Variants in PARP9 observed in about 807,000 individuals in gnomAD.
PARP9 encodes the protein protein mono-ADP-ribosyltransferase PARP9.
PARP9 carries 48 observed loss-of-function variants against 68.8 expected under a neutral mutation model. The observed-to-expected ratio is 0.70, with a 90% confidence interval of 0.55 to 0.89. The LOEUF (loss-of-function observed/expected upper bound fraction) is 0.89, where lower values mean the gene tolerates loss of function less well. Among genes scored for constraint, PARP9 ranks in the 40% least tolerant of loss-of-function variants. PARP9 has a pLI of 0.00. For synonymous variants in PARP9, 309 were observed against 333.8 expected, an observed-to-expected ratio of 0.93 and a Z score of 0.81; for missense variants, 806 against 969.3, an observed-to-expected ratio of 0.83 and a Z score of 2.24.
chr3:122,545,062 T>C (rs562297673), intron 7 of PARP9, among the ~76,000 whole-genome samples: 1 of 147,880 alleles, frequency 6.8e-6, no homozygotes, highest in South Asian at 2.1e-4. Flanking sequence ...ATTACTGAGA[T>C]GTGTTTTCCA....
At chr3:122,558,258 G>A (rs1159869616) in intron 3 of PARP9, 176 bp downstream of exon 3, 3 of 1,515,634 alleles carry the variant, frequency 2.0e-6, no homozygotes, top group Non-Finnish European at 1.8e-6. Context: ...GAGAGAATAT[G>A]CCTGCTGGTC....
At chr3:122,537,737 A>G (rs2077758475) in intron 8 of PARP9, among the ~76,000 whole-genome samples, 1 of 152,118 alleles carries the variant, frequency 6.6e-6, no homozygotes, top group Non-Finnish European at 1.5e-5. Context: ...GGAGATTAAG[A>G]GTCTATGATG....
chr3:122,552,456 A>G lies in PARP9; in HGVS notation c.1069T>C (p.Tyr357His). 1 of 1,614,036 alleles carries G rather than the reference A, an allele frequency of 6.2e-7. No individual in the cohort carries two copies. Among genetic ancestry groups the G allele is most frequent in the Non-Finnish European group, 8.5e-7 (1 of 1,179,966 alleles). ...KGFNLFCKYI[Y>H]HVLWHSEFPK... is the part of the protein sequence containing the mutation. ...AATTCTGAATGCCACAGTACATGGT[A>G]TATATATTTACAGAACAAGTTAAAT... Residue 357 changes from tyrosine (Y) to histidine (H), a missense_variant, in exon 5 of 11, where the codon TAC (tyrosine) becomes CAC (histidine). By Grantham distance (83) the Tyr-to-His change is moderately conservative (BLOSUM62 2). Transcript: ENST00000682323.
chr3:122,545,760 C>T (rs988530549), intron 6 of PARP9: 5 of 417,104 alleles, frequency 1.2e-5, no homozygotes, highest in African/African-American at 4.1e-5. Flanking sequence ...AAAATATAAC[C>T]GTGCATTCAT....
At chr3:122,537,496 TCA>T (rs898368147) in intron 8 of PARP9, among the ~76,000 whole-genome samples, 5 of 152,228 alleles carry the variant, frequency 3.3e-5, no homozygotes, top group African/African-American at 1.2e-4. Context: ...TTCAAAATTT[TCA>T]GTTTCCTTCC....
chr3:122,553,099 AG>A (rs1267624898), intron 4 of PARP9, among the ~76,000 whole-genome samples: 1 of 152,212 alleles, frequency 6.6e-6, no homozygotes, highest in Non-Finnish European at 1.5e-5. Flanking sequence ...TTATGGTTTA[AG>A]GTATAAGAAA....
intron 3 of PARP9, among the ~76,000 whole-genome samples, chr3:122,556,329 T>A (rs1283694339): frequency 6.6e-6 from 1 of 152,086 alleles, no homozygotes; most frequent in Non-Finnish European, 1.5e-5. Context: ...CAGTGGTAGG[T>A]CACCCATAAA....
At chr3:122,553,417 C>A (rs545802790) in intron 4 of PARP9, among the ~76,000 whole-genome samples, 43 of 152,262 alleles carry the variant, frequency 2.8e-4, no homozygotes, top group African/African-American at 1.0e-3. Context: ...TATTTCTTCA[C>A]TGATGTTAAT....
chr3:122,539,724 C>A (rs1427626737), intron 8 of PARP9, among the ~76,000 whole-genome samples: 1 of 151,972 alleles, frequency 6.6e-6, no homozygotes. Flanking sequence ...CCATGCCTGG[C>A]TAATTTTTTT....
Position 122,555,967 on chromosome 3 carries a change from G to A in PARP9, c.204C>T (p.Asn68=), listed in dbSNP as rs1430979601. 1.9e-6 allele frequency: 3 copies of A among 1,613,834 alleles called. No homozygotes were observed. The highest frequency in any genetic ancestry group is 3.3e-4 in the Middle Eastern group (2 of 6,062). ...TTCTGAACACTTGCAGAGATTTGCT[G>A]TTGCCTTCCTGAACTGGAGAGACCA... ...STLVSPVQEG[N]SKSLQVFRKM... The change falls in exon 4 of 11, where the codon AAC becomes AAT. Residue 68 remains asparagine, a synonymous_variant. Coordinates refer to ENST00000682323, the MANE Select transcript of PARP9 (RefSeq NM_001146105.2).
Position 122,536,141 on chromosome 3 carries a change from C to G in PARP9, c.2080+27G>C, listed in dbSNP as rs377654263. On this transcript the variant is annotated intron_variant, in intron 10 of 10. Transcript: ENST00000682323. ...CAGCTCACCAAATTCCACAGAGTAG[C>G]CCCAATGATGAGGCATTGACACCTA... is the stretch of plus-strand genomic sequence containing the variant. The G allele has an allele frequency of 9.3e-6, 15 of 1,613,960 alleles. No individual in the cohort carries two copies. The African/African-American group carries it at 2.0e-4, about 22-fold the overall frequency.
intron 10 of PARP9, among the ~76,000 whole-genome samples, chr3:122,529,824 A>G (rs1244858425): frequency 6.6e-6 from 1 of 152,086 alleles, no homozygotes; most frequent in Admixed American, 6.6e-5. Flanking sequence ...CAGAACTCTC[A>G]AGAAGATGGT....
intron 10 of PARP9, chr3:122,533,850 T>C: frequency 5.1e-6 from 5 of 985,424 alleles, no homozygotes; most frequent in Non-Finnish European, 6.0e-6. Flanking sequence ...TGCCTGTGGG[T>C]GGCCATCTAA....
intron 3 of PARP9, among the ~76,000 whole-genome samples, chr3:122,557,643 G>A (rs1347568226): frequency 6.6e-6 from 1 of 152,188 alleles, no homozygotes; most frequent in Non-Finnish European, 1.5e-5. Context: ...TCTCAGGCTT[G>A]CAGAGACTGT....
intron 10 of PARP9, 118 bp from the exon 11 acceptor site, chr3:122,528,861 C>T: frequency 9.7e-7 from 1 of 1,032,498 alleles, no homozygotes; most frequent in Non-Finnish European, 1.4e-6. Context: ...CCTCCTGATT[C>T]TGAGTTCCTG....
chr3:122,555,275 C>T lies in PARP9; in HGVS notation c.885+11G>A. On this transcript the variant is annotated intron_variant, in intron 4 of 10. Coordinates refer to ENST00000682323, the MANE Select transcript of PARP9 (RefSeq NM_001146105.2). ...CTGTGCCAGTGCAAGAGAATAGAAACAAAGACTTACCGTCTGCCATTCAAT... is the reference window on the plus strand; with the variant it reads ...CTGTGCCAGTGCAAGAGAATAGAAATAAAGACTTACCGTCTGCCATTCAAT... 6.3e-7 allele frequency: 1 copy of T among 1,593,910 alleles called. No homozygotes were observed. The highest frequency in any genetic ancestry group is 8.5e-7 in the Non-Finnish European group (1 of 1,170,320).
rs1423752584 is a variant in PARP9 at position 122,545,414 on chromosome 3, T to A, written c.1384+18A>T. On this transcript the variant is annotated intron_variant, in intron 7 of 10. Transcript: ENST00000682323. ...TGGTGGGCGACCCTACTTATTGGCC[T>A]GTGAATTTCTTACTCACCACTGTAA... The A allele has an allele frequency of 3.1e-6, 5 of 1,613,520 alleles. No homozygotes were observed. The highest frequency in any genetic ancestry group is 4.2e-6 in the Non-Finnish European group (5 of 1,179,416).
At position 122,540,561 on chromosome 3, in the gene PARP9, A is replaced by G; in HGVS notation, c.1676T>C (p.Ile559Thr). 2 of 1,614,084 alleles carry G rather than the reference A, an allele frequency of 1.2e-6. No homozygotes were observed. Among genetic ancestry groups the G allele is most frequent in the Non-Finnish European group, 1.7e-6 (2 of 1,179,996 alleles). Residue 559 changes from isoleucine to threonine, a missense_variant, in exon 8 of 11, where the codon ATT (isoleucine) becomes ACT (threonine). Physicochemically the swap from Ile to Thr is moderately conservative, Grantham distance 89 (BLOSUM62 -1). Transcript: ENST00000682323. ...LEIEGARADL[I>T]EVVMNIEDML... ...ATCTTCAATGTTCATAACCACCTCA[A>G]TGAGGTCAGCCCGGGCTCCTTCAAT...
chr3:122,532,214 G>T, intron 10 of PARP9: 2 of 985,460 alleles, frequency 2.0e-6, no homozygotes, highest in Non-Finnish European at 1.2e-6. Context: ...AAAATTTCCT[G>T]TGTGGCAGGA....
Sources: gnomAD v4.1 joint callset for allele counts (sites outside exome capture counted in the v4.1 genomes callset) on GRCh38, gnomAD v4.1.1 for gene constraint, MANE v1.5 for transcripts, NCBI Gene and HGNC (gene_info 2026-07-23, HGNC 2026-07-21) for gene names.